The following CLSTN2 variants were observed in gnomAD, a reference collection of about 807,000 sequenced individuals.
The protein encoded by CLSTN2 is calsyntenin-2.
CLSTN2 carries 48 observed loss-of-function variants against 101.2 expected under a neutral mutation model. That is an observed-to-expected ratio of 0.47 (90% CI 0.38 to 0.60). The LOEUF is 0.60. Ranked by LOEUF, CLSTN2 falls within the 20% of genes least tolerant of loss-of-function variation. The probability of loss-of-function intolerance (pLI) is 0.00; values close to 1 mark genes in which losing one functional copy is unlikely to be tolerated. For synonymous variants in CLSTN2, 481 were observed against 463.6 expected (o/e 1.04, Z -0.48); for missense variants, 1,160 against 1,238.2 (o/e 0.94, Z 0.95).
intron 1 of CLSTN2, among the ~76,000 whole-genome samples, chr3:139,963,381 T>C (rs1336866067): frequency 3.9e-5 from 6 of 152,174 alleles, no homozygotes; most frequent in Non-Finnish European, 7.3e-5. Context: ...CTAGTCCTAC[T>C]TTTCCAATCA....
chr3:140,404,519 T>C (rs2088280999), intron 3 of CLSTN2, 39 bp from the exon 4 acceptor site: 1 of 1,594,576 alleles, frequency 6.3e-7, no homozygotes, highest in Admixed American at 1.7e-5. Flanking sequence ...TGTGACTCTT[T>C]CTTTACCACC....
chr3:140,546,271 A>G (rs565788110), intron 9 of CLSTN2, among the ~76,000 whole-genome samples: 64 of 152,352 alleles, frequency 4.2e-4, no homozygotes, highest in African/African-American at 1.4e-3. Flanking sequence ...TGCCCTTGAA[A>G]ATAACCTTTA....
intron 2 of CLSTN2, among the ~76,000 whole-genome samples, chr3:140,223,248 A>C (rs1305297345): frequency 6.6e-6 from 1 of 152,210 alleles, no homozygotes; most frequent in Non-Finnish European, 1.5e-5. Context: ...TCAACTGGAG[A>C]AAGGAAAAGT....
chr3:140,335,404 G>A (rs2087430087), intron 2 of CLSTN2, among the ~76,000 whole-genome samples: 1 of 151,162 alleles, frequency 6.6e-6, no homozygotes, highest in Non-Finnish European at 1.5e-5. Context: ...AGGTAGGGAA[G>A]TTATTGAGGA....
At chr3:140,325,311 C>T (rs2087321659) in intron 2 of CLSTN2, among the ~76,000 whole-genome samples, 1 of 152,162 alleles carries the variant, frequency 6.6e-6, no homozygotes, top group Admixed American at 6.5e-5. Context: ...GCAGTGGGTT[C>T]CCACAGCAGT....
Position 140,556,555 on chromosome 3 carries a change from G to A in CLSTN2, c.1717G>A (p.Asp573Asn). ...PSQSILVMEG[D>N]DIGNINRALQ... ...GCAGTCCATCCTGGTGATGGAAGGT[G>A]ACGACATTGGGAACATTAACCGTGC... Residue 573 changes from aspartate to asparagine, a missense_variant, in exon 11 of 17, where the codon GAC (aspartate) becomes AAC (asparagine). By Grantham distance (23) the Asp-to-Asn change is conservative. Transcript: ENST00000458420. The A allele has an allele frequency of 6.2e-7, 1 of 1,614,094 alleles. No homozygotes were observed. The highest frequency in any genetic ancestry group is 2.2e-5 in the East Asian group (1 of 44,878).
intron 2 of CLSTN2, among the ~76,000 whole-genome samples, chr3:140,319,214 AC>A (rs2087259049): frequency 2.0e-5 from 3 of 152,284 alleles, no homozygotes; most frequent in Admixed American, 2.0e-4. Context: ...CTTGTTTCAT[AC>A]TACAAGACAC....
intron 4 of CLSTN2, among the ~76,000 whole-genome samples, chr3:140,414,351 C>T (rs2088401657): frequency 6.6e-6 from 1 of 151,920 alleles, no homozygotes; most frequent in Non-Finnish European, 1.5e-5. Context: ...AATATCTGTA[C>T]ACAGAAAACT....
intron 1 of CLSTN2, among the ~76,000 whole-genome samples, chr3:140,009,902 C>T (rs898975806): frequency 1.3e-5 from 2 of 152,210 alleles, no homozygotes; most frequent in South Asian, 2.1e-4. Flanking sequence ...TCTTCACCCA[C>T]GCTGTTGCCC....
intron 2 of CLSTN2, among the ~76,000 whole-genome samples, chr3:140,277,003 C>G (rs1245637610): frequency 1.3e-5 from 2 of 152,136 alleles, no homozygotes; most frequent in Non-Finnish European, 1.5e-5. Context: ...CTGAGGCCAG[C>G]AGAATCAGTG....
intron 1 of CLSTN2, among the ~76,000 whole-genome samples, chr3:140,041,385 C>T (rs1218965302): frequency 6.6e-6 from 1 of 152,130 alleles, no homozygotes; most frequent in Non-Finnish European, 1.5e-5. Context: ...TGGGCAGACC[C>T]TTGTCTCTCC....
chr3:139,981,234 C>T (rs907026378), intron 1 of CLSTN2, among the ~76,000 whole-genome samples: 49 of 152,154 alleles, frequency 3.2e-4, no homozygotes, highest in Non-Finnish European at 2.6e-4. Context: ...CACCCACCCC[C>T]GAATTGCCCT....
intron 4 of CLSTN2, among the ~76,000 whole-genome samples, chr3:140,420,267 C>A (rs1211160857): frequency 6.7e-6 from 1 of 149,674 alleles, no homozygotes; most frequent in African/African-American, 2.5e-5. Flanking sequence ...CATTTGAGTT[C>A]TAATTTGCTG....
intron 8 of CLSTN2, among the ~76,000 whole-genome samples, chr3:140,496,831 G>A (rs763765423): frequency 7.2e-5 from 11 of 152,058 alleles, no homozygotes; most frequent in Non-Finnish European, 1.0e-4. Context: ...AGCCGGGCGC[G>A]GTGGCTCACA....
intron 1 of CLSTN2, among the ~76,000 whole-genome samples, chr3:140,066,899 C>T (rs2008308708): frequency 1.3e-5 from 2 of 152,198 alleles, no homozygotes; most frequent in Admixed American, 6.5e-5. Flanking sequence ...TGTGGCACTT[C>T]TGTCACTCAC....
chr3:140,108,015 A>G (rs897306126), intron 1 of CLSTN2, among the ~76,000 whole-genome samples: 3 of 152,180 alleles, frequency 2.0e-5, no homozygotes, highest in African/African-American at 7.2e-5. Context: ...TGCCAGAGCA[A>G]TGAGTGGTTG....
At chr3:140,106,892 G>A (rs1003149917) in intron 1 of CLSTN2, among the ~76,000 whole-genome samples, 2 of 152,176 alleles carry the variant, frequency 1.3e-5, no homozygotes, top group Admixed American at 6.5e-5. Flanking sequence ...TAAGTCAAGT[G>A]TTAATTATTT....
chr3:140,212,073 G>A (rs182176739), intron 2 of CLSTN2, among the ~76,000 whole-genome samples: 9 of 152,212 alleles, frequency 5.9e-5, no homozygotes, highest in East Asian at 1.9e-4. Context: ...TCTCATGAGG[G>A]GCCAAAATTC....
At chr3:140,273,971 T>C (rs2086769049) in intron 2 of CLSTN2, among the ~76,000 whole-genome samples, 1 of 152,130 alleles carries the variant, frequency 6.6e-6, no homozygotes, top group Non-Finnish European at 1.5e-5. Context: ...GCCACAGGAA[T>C]GTGACCATCA....
Sources: allele counts gnomAD v4.1 joint callset (sites outside exome capture counted in the v4.1 genomes callset), GRCh38; gene constraint gnomAD v4.1.1; transcripts MANE v1.5; gene names NCBI Gene and HGNC (gene_info 2026-07-23, HGNC 2026-07-21).